SUCLA2: variants seen among roughly 807,000 people sequenced by gnomAD.
SUCLA2 encodes the protein succinate--CoA ligase [ADP-forming] subunit beta, mitochondrial.
SUCLA2 carries 30 observed loss-of-function variants against 54.8 expected under a neutral mutation model. That is an observed-to-expected ratio of 0.55 (90% CI 0.41 to 0.74). The LOEUF (loss-of-function observed/expected upper bound fraction) is 0.74, where lower values mean the gene tolerates loss of function less well. SUCLA2 is among the 30% of genes least tolerant of loss of function. The pLI is 0.00. For missense variants in SUCLA2, 476 were observed against 562.9 expected (o/e 0.85, Z 1.56); for synonymous variants, 172 against 188.9 (o/e 0.91, Z 0.74).
intron 10 of SUCLA2, among the ~76,000 whole-genome samples, chr13:47,947,464 G>A (rs1949740794): frequency 6.6e-6 from 1 of 152,064 alleles, no homozygotes; most frequent in Admixed American, 6.5e-5. Flanking sequence ...GTACTCCATG[G>A]TAACAAATGG....
At chr13:47,977,316 C>G (rs561722521) in intron 4 of SUCLA2, among the ~76,000 whole-genome samples, 1 of 152,078 alleles carries the variant, frequency 6.6e-6, no homozygotes, top group African/African-American at 2.4e-5. Flanking sequence ...ACAGGAAGCC[C>G]GGGACCAAAT....
chr13:47,989,127 G>A, intron 2 of SUCLA2, 146 bp from the exon 3 acceptor site: 1 of 787,484 alleles, frequency 1.3e-6, no homozygotes. Context: ...TTCTCTTTAT[G>A]TAGATTTTCT....
chr13:47,943,447 TAAAAG>T lies in SUCLA2; in HGVS notation c.1318-7_1318-3del, dbSNP rs1949701337. 2 of 1,613,712 alleles carry T rather than the reference TAAAAG, an allele frequency of 1.2e-6. No homozygotes were observed. The highest frequency in any genetic ancestry group is 1.7e-6 in the Non-Finnish European group (2 of 1,179,772). Reference sequence around the variant, plus strand: ...CACTATTTCAGAGAGCTTTACAACCTAAAAGAAAAGAACGAAGAATTTTCACAAAA... The same window carrying T: ...CACTATTTCAGAGAGCTTTACAACCTAAAAGAACGAAGAATTTTCACAAAA... On this transcript the variant is annotated splice_polypyrimidine_tract_variant and splice_region_variant and intron_variant, in intron 10 of 10. Coordinates refer to ENST00000646932, the MANE Select transcript of SUCLA2 (RefSeq NM_003850.3).
At chr13:47,956,944 CTA>C (rs1471980569) in intron 6 of SUCLA2, 2 of 152,190 alleles carry the variant, frequency 1.3e-5, no homozygotes, top group Non-Finnish European at 2.9e-5. Context: ...GTCCCACAGA[CTA>C]TTCTTTTGGA....
At chr13:47,991,562 A>G (rs1266918325) in intron 2 of SUCLA2, 1 of 152,208 alleles carries the variant, frequency 6.6e-6, no homozygotes, top group Non-Finnish European at 1.5e-5. Context: ...ATTCTCTTAC[A>G]TATATCATTT....
chr13:47,977,887 T>G (rs990517506), intron 4 of SUCLA2, among the ~76,000 whole-genome samples: 1 of 151,164 alleles, frequency 6.6e-6, no homozygotes, highest in Non-Finnish European at 1.5e-5. Context: ...CAAACAAGAG[T>G]CAAATCATGA....
At chr13:47,971,683 C>T (rs1279175215) in intron 5 of SUCLA2, 2 of 384,050 alleles carry the variant, frequency 5.2e-6, no homozygotes, top group African/African-American at 4.1e-5. Flanking sequence ...CAGCGTTCAT[C>T]GAATTCTTAA....
chr13:47,963,390 T>C (rs1358294088), intron 6 of SUCLA2, among the ~76,000 whole-genome samples: 1 of 152,172 alleles, frequency 6.6e-6, no homozygotes, highest in Non-Finnish European at 1.5e-5. Context: ...ACGCCTGTAA[T>C]CCCAGCACTT....
At chr13:47,985,630 T>G (rs1372818639) in intron 4 of SUCLA2, among the ~76,000 whole-genome samples, 1 of 152,240 alleles carries the variant, frequency 6.6e-6, no homozygotes, top group Non-Finnish European at 1.5e-5. Flanking sequence ...TCTTATCCAG[T>G]CTATCATCGG....
chr13:47,964,410 A>G (rs1203043617), intron 6 of SUCLA2, among the ~76,000 whole-genome samples: 2 of 152,222 alleles, frequency 1.3e-5, no homozygotes, highest in Non-Finnish European at 2.9e-5. Context: ...AAATCTATGT[A>G]TGGAATAAAT....
chr13:47,969,913 G>A (rs1362004954), intron 5 of SUCLA2, among the ~76,000 whole-genome samples: 3 of 152,042 alleles, frequency 2.0e-5, no homozygotes, highest in East Asian at 3.9e-4. Context: ...ACCAGCCTGG[G>A]CAACATGGTG....
intron 1 of SUCLA2, among the ~76,000 whole-genome samples, chr13:48,000,070 T>C (rs1258358290): frequency 6.6e-6 from 1 of 150,690 alleles, no homozygotes; most frequent in Non-Finnish European, 1.5e-5. Flanking sequence ...AAGTCACTTC[T>C]ATCGGGAAGC....
At chr13:47,976,725 T>C (rs925510666) in intron 4 of SUCLA2, among the ~76,000 whole-genome samples, 1 of 152,188 alleles carries the variant, frequency 6.6e-6, no homozygotes, top group South Asian at 2.1e-4. Context: ...TTGGATTTCT[T>C]TGAATTTTGA....
chr13:47,968,644 A>G lies in SUCLA2; in HGVS notation c.753T>C (p.Asp251=). The G allele has an allele frequency of 1.2e-6, 2 of 1,611,798 alleles. No individual in the cohort carries two copies. Among genetic ancestry groups the G allele is most frequent in the Non-Finnish European group, 8.5e-7 (1 of 1,179,776 alleles). The change falls in exon 6 of 11, where the codon GAT becomes GAC. Residue 251 remains aspartate (D), a synonymous_variant. Transcript: ENST00000646932. ...TTGGATTTATTTCTATCATGGTTGC[A>G]TCGTATTTCAGAAAAAGGCTGTAAA... ...VKLYSLFLKY[D]ATMIEINPMV...
intron 10 of SUCLA2, among the ~76,000 whole-genome samples, chr13:47,943,928 T>A (rs1949709025): frequency 6.6e-6 from 1 of 152,016 alleles, no homozygotes; most frequent in Non-Finnish European, 1.5e-5. Context: ...GGTCTACTAG[T>A]TAGTATTTTA....
At chr13:47,993,021 C>T (rs1372674765) in intron 2 of SUCLA2, among the ~76,000 whole-genome samples, 5 of 152,164 alleles carry the variant, frequency 3.3e-5, no homozygotes, top group South Asian at 2.1e-4. Flanking sequence ...GCTTGAGCCC[C>T]GGAGTTTGAG....
intron 4 of SUCLA2, among the ~76,000 whole-genome samples, chr13:47,979,259 A>G (rs1046333707): frequency 1.3e-5 from 2 of 152,212 alleles, no homozygotes; most frequent in Non-Finnish European, 2.9e-5. Context: ...TCAGTGATAG[A>G]CGGGATAAAG....
chr13:47,969,535 G>A (rs1949945499), intron 5 of SUCLA2, among the ~76,000 whole-genome samples: 1 of 152,178 alleles, frequency 6.6e-6, no homozygotes, highest in Non-Finnish European at 1.5e-5. Context: ...AGTTCTGGTT[G>A]ACAAGTTTTT....
intron 8 of SUCLA2, among the ~76,000 whole-genome samples, chr13:47,950,158 A>T (rs529338728): frequency 9.2e-5 from 14 of 152,376 alleles, no homozygotes; most frequent in Admixed American, 7.8e-4. Context: ...CAATGCCTGT[A>T]GCATAAATGA....
Sources: allele counts gnomAD v4.1 joint callset (sites outside exome capture counted in the v4.1 genomes callset), GRCh38; gene constraint gnomAD v4.1.1; transcripts MANE v1.5; gene names NCBI Gene and HGNC (gene_info 2026-07-23, HGNC 2026-07-21).